The following NCKAP5 variants were observed in gnomAD, a reference collection of about 807,000 sequenced individuals.
NCKAP5 encodes nck-associated protein 5.
Under a neutral mutation model 167.0 loss-of-function variants are expected in NCKAP5, and 92 were observed. The observed-to-expected ratio is 0.55, with a 90% confidence interval of 0.47 to 0.66. The LOEUF is 0.66. NCKAP5 is among the 30% of genes least tolerant of loss of function. The pLI, the probability that NCKAP5 is intolerant of heterozygous loss-of-function variation, is 0.00. For synonymous variants in NCKAP5, 891 were observed against 877.4 expected, an observed-to-expected ratio of 1.02 and a Z score of -0.27; for missense variants, 2,378 against 2,315.0, an observed-to-expected ratio of 1.03 and a Z score of -0.56.
At chr2:132,871,429 A>G (rs16842813) in intron 9 of NCKAP5, among the ~76,000 whole-genome samples, 4,635 of 152,290 alleles carry the variant, frequency 0.03, 234 homozygotes, top group East Asian at 0.13. Context: ...TGGATCTCAA[A>G]CTTTGGATTT....
intron 6 of NCKAP5, among the ~76,000 whole-genome samples, chr2:133,038,533 A>T (rs901578147): frequency 1.3e-5 from 2 of 152,180 alleles, no homozygotes; most frequent in African/African-American, 4.8e-5. Flanking sequence ...GAAAATAGAA[A>T]GAATAAATAA....
intron 19 of NCKAP5, among the ~76,000 whole-genome samples, chr2:132,723,185 G>T (rs1301645172): frequency 7.9e-6 from 1 of 126,654 alleles, no homozygotes; most frequent in Non-Finnish European, 1.6e-5. Flanking sequence ...TTGCTCTGTC[G>T]TCCAGGCTGG....
intron 7 of NCKAP5, among the ~76,000 whole-genome samples, chr2:132,988,554 T>C (rs2077363298): frequency 6.6e-6 from 1 of 152,070 alleles, no homozygotes; most frequent in Non-Finnish European, 1.5e-5. Context: ...TGTGGCGATC[T>C]TTCTGCACTG....
At chr2:133,014,760 T>C (rs144255266) in intron 6 of NCKAP5, among the ~76,000 whole-genome samples, 1 of 152,190 alleles carries the variant, frequency 6.6e-6, no homozygotes, top group Non-Finnish European at 1.5e-5. Context: ...CTTTGGCAAA[T>C]GGCGGTTTTA....
intron 3 of NCKAP5, among the ~76,000 whole-genome samples, chr2:133,508,077 A>C (rs916074696): frequency 6.6e-6 from 1 of 152,200 alleles, no homozygotes; most frequent in Admixed American, 6.5e-5. Context: ...GGGTAAGAGA[A>C]TGTTAATAGA....
chr2:133,518,984 TA>T (rs976424920), intron 2 of NCKAP5, among the ~76,000 whole-genome samples: 7 of 152,208 alleles, frequency 4.6e-5, no homozygotes, highest in African/African-American at 1.7e-4. Flanking sequence ...TACAATGCTA[TA>T]CCAATTAACT....
chr2:133,544,887 C>T (rs926765343), intron 2 of NCKAP5, among the ~76,000 whole-genome samples: 7 of 152,300 alleles, frequency 4.6e-5, no homozygotes, highest in African/African-American at 1.7e-4. Context: ...ATCAAATTCA[C>T]ATCTCAAAGT....
At chr2:133,632,507 T>C in the NCKAP5 span, among the ~76,000 whole-genome samples, 1 of 152,228 alleles carries the variant, frequency 6.6e-6, no homozygotes, top group African/African-American at 2.4e-5. Context: ...ATTTACTTTT[T>C]TATACTTTCC....
chr2:132,746,449 G>A (rs757197282), intron 16 of NCKAP5, among the ~76,000 whole-genome samples: 7 of 151,726 alleles, frequency 4.6e-5, no homozygotes, highest in Non-Finnish European at 8.8e-5. Context: ...AGAAAATATC[G>A]GAGTATCTCT....
At chr2:133,084,379 A>T (rs569632816) in intron 6 of NCKAP5, among the ~76,000 whole-genome samples, 13 of 152,144 alleles carry the variant, frequency 8.5e-5, no homozygotes, top group Non-Finnish European at 1.6e-4. Flanking sequence ...ACAAAATATC[A>T]TGGATAGTTA....
At chr2:133,372,370 T>C (rs1412449640) in intron 3 of NCKAP5, among the ~76,000 whole-genome samples, 2 of 152,118 alleles carry the variant, frequency 1.3e-5, no homozygotes, top group African/African-American at 4.8e-5. Flanking sequence ...ATGGATTTTA[T>C]CCCATGGGAA....
chr2:133,153,806 G>A (rs940353556), intron 5 of NCKAP5, among the ~76,000 whole-genome samples: 1 of 149,768 alleles, frequency 6.7e-6, no homozygotes, highest in Non-Finnish European at 1.5e-5. Flanking sequence ...TGCATCTTCC[G>A]AGGCCCACTT....
chr2:132,944,555 T>C (rs1234554930), intron 8 of NCKAP5, among the ~76,000 whole-genome samples: 1 of 152,176 alleles, frequency 6.6e-6, no homozygotes, highest in Non-Finnish European at 1.5e-5. Context: ...GTTAGCGCAG[T>C]AGCCTGGATT....
chr2:133,361,533 C>T (rs150110200), intron 3 of NCKAP5, among the ~76,000 whole-genome samples: 3 of 152,290 alleles, frequency 2.0e-5, no homozygotes, highest in Admixed American at 2.0e-4. Context: ...CTGAATACTG[C>T]CATGTGGTCC....
chr2:133,155,372 G>A (rs1212141102), intron 5 of NCKAP5, among the ~76,000 whole-genome samples: 2 of 152,262 alleles, frequency 1.3e-5, no homozygotes, highest in South Asian at 2.1e-4. Flanking sequence ...CAGTACTGCT[G>A]GGATGGGGCT....
chr2:132,893,692 A>T (rs970871794), intron 8 of NCKAP5, among the ~76,000 whole-genome samples: 2 of 152,190 alleles, frequency 1.3e-5, no homozygotes, highest in Non-Finnish European at 1.5e-5. Context: ...CAGAAGTCAG[A>T]TTCATCATTA....
chr2:133,386,302 C>T (rs755966510), intron 3 of NCKAP5, among the ~76,000 whole-genome samples: 14 of 152,124 alleles, frequency 9.2e-5, no homozygotes, highest in Non-Finnish European at 1.3e-4. Flanking sequence ...CATTTCATTA[C>T]GTACCCAGTA....
intron 11 of NCKAP5, among the ~76,000 whole-genome samples, chr2:132,815,111 TA>T (rs1335455174): frequency 2.0e-5 from 3 of 152,230 alleles, no homozygotes; most frequent in African/African-American, 7.2e-5. Context: ...CTCAAATCCC[TA>T]AAGATTTATC....
chr2:133,463,927 T>C (rs984720807), intron 3 of NCKAP5, among the ~76,000 whole-genome samples: 1 of 152,218 alleles, frequency 6.6e-6, no homozygotes, highest in East Asian at 1.9e-4. Flanking sequence ...GAAGGCCTAC[T>C]TCCTAAGATT....
Sources: allele counts gnomAD v4.1 joint callset (sites outside exome capture counted in the v4.1 genomes callset), GRCh38; gene constraint gnomAD v4.1.1; transcripts MANE v1.5; gene names NCBI Gene and HGNC (gene_info 2026-07-23, HGNC 2026-07-21).